The following PCED1B variants were observed in gnomAD, a reference collection of about 807,000 sequenced individuals.
The protein encoded by PCED1B is PC-esterase domain-containing protein 1B.
For missense variants in PCED1B, 573 were observed against 573.9 expected, an observed-to-expected ratio of 1.00 and a Z score of 0.02; for synonymous variants, 251 against 246.1, an observed-to-expected ratio of 1.02 and a Z score of -0.19.
chr12:47,193,407 G>C (rs1038508710), intron 2 of PCED1B, among the ~76,000 whole-genome samples: 2 of 151,978 alleles, frequency 1.3e-5, no homozygotes, highest in Non-Finnish European at 2.9e-5. Context: ...CTGAATTCCT[G>C]CCCCCTTCCC....
intron 1 of PCED1B, among the ~76,000 whole-genome samples, chr12:47,080,309 C>T (rs1046880997): frequency 2.0e-5 from 3 of 152,188 alleles, no homozygotes; most frequent in Non-Finnish European, 4.4e-5. Context: ...CCCTTGGAGA[C>T]CCACTTCGCG....
intron 2 of PCED1B, among the ~76,000 whole-genome samples, chr12:47,119,638 G>C (rs1274856943): frequency 6.6e-6 from 1 of 151,868 alleles, no homozygotes; most frequent in Non-Finnish European, 1.5e-5. Flanking sequence ...TTGCAATCTG[G>C]CAAGAGACTT....
chr12:47,190,808 G>C (rs189965692), intron 2 of PCED1B, among the ~76,000 whole-genome samples: 1 of 152,310 alleles, frequency 6.6e-6, no homozygotes, highest in East Asian at 1.9e-4. Flanking sequence ...GAGGGTGCGA[G>C]AGGCACCTCT....
chr12:47,174,046 G>A (rs193210449), intron 2 of PCED1B, among the ~76,000 whole-genome samples: 52 of 152,264 alleles, frequency 3.4e-4, no homozygotes, highest in African/African-American at 1.2e-3. Context: ...TTGGAAAGCC[G>A]AGGCAGGCCC....
chr12:47,111,347 T>A (rs1261439014), intron 2 of PCED1B, among the ~76,000 whole-genome samples: 1 of 152,208 alleles, frequency 6.6e-6, no homozygotes, highest in Non-Finnish European at 1.5e-5. Context: ...CACCATGGTT[T>A]TCACTGATCA....
intron 2 of PCED1B, among the ~76,000 whole-genome samples, chr12:47,114,666 C>A (rs899784945): frequency 2.0e-5 from 3 of 152,112 alleles, no homozygotes; most frequent in Non-Finnish European, 4.4e-5. Context: ...TGTTCCTAGC[C>A]CAGAAGCCTT....
At chr12:47,081,092 C>A (rs984601071) in intron 1 of PCED1B, among the ~76,000 whole-genome samples, 4 of 152,162 alleles carry the variant, frequency 2.6e-5, no homozygotes, top group African/African-American at 9.7e-5. Flanking sequence ...TTGTTTAATT[C>A]CAAGATAAGT....
chr12:47,128,358 G>A (rs1405378733), intron 2 of PCED1B, among the ~76,000 whole-genome samples: 4 of 152,064 alleles, frequency 2.6e-5, no homozygotes, highest in East Asian at 1.9e-4. Flanking sequence ...AATGGAGAAG[G>A]CACCTTCTTT....
At chr12:47,227,159 G>A (rs1270775107) in intron 3 of PCED1B, among the ~76,000 whole-genome samples, 2 of 151,810 alleles carry the variant, frequency 1.3e-5, no homozygotes, top group Non-Finnish European at 2.9e-5. Context: ...TGTTTGTTTT[G>A]TTTTGTTTTT....
chr12:47,082,325 G>C (rs1449994590), intron 1 of PCED1B, among the ~76,000 whole-genome samples: 2 of 152,108 alleles, frequency 1.3e-5, no homozygotes, highest in Non-Finnish European at 2.9e-5. Context: ...TAAGATAACG[G>C]TTTACCCCAA....
In PCED1B at chr12:47,236,293, G is replaced by A. The variant is rs775815786; in HGVS notation, c.1230G>A (p.Thr410=). 9 of 1,613,956 alleles carry A rather than the reference G, an allele frequency of 5.6e-6. No individual in the cohort carries two copies. The highest frequency in any genetic ancestry group is 1.7e-5 in the Admixed American group (1 of 59,986). Residue 410 remains threonine (T), a synonymous_variant, in exon 4 of 4, where the codon ACG becomes ACA. Transcript: ENST00000546455. The part of the protein sequence containing the change: ...FGRYRPRGPY[T]PWGQRPRPSK... ...GGTATCGTCCCCGTGGCCCCTATAC[G>A]CCCTGGGGACAGCGGCCTCGACCTT...
chr12:47,157,162 C>A (rs892543511), intron 2 of PCED1B, among the ~76,000 whole-genome samples: 1 of 152,054 alleles, frequency 6.6e-6, no homozygotes, highest in African/African-American at 2.4e-5. Context: ...GAATGGGTTT[C>A]TCTATATAAT....
At chr12:47,112,104 G>T (rs1321834053) in intron 2 of PCED1B, among the ~76,000 whole-genome samples, 1 of 152,140 alleles carries the variant, frequency 6.6e-6, no homozygotes, top group Non-Finnish European at 1.5e-5. Context: ...TGGTATGTGG[G>T]TTTAGCAGTA....
At chr12:47,119,278 T>G (rs1367891082) in intron 2 of PCED1B, among the ~76,000 whole-genome samples, 2 of 152,158 alleles carry the variant, frequency 1.3e-5, no homozygotes, top group Non-Finnish European at 2.9e-5. Flanking sequence ...GAGCTAAAAC[T>G]ACAAAATTCC....
At chr12:47,130,030 A>G (rs1215077964) in intron 2 of PCED1B, among the ~76,000 whole-genome samples, 6 of 152,188 alleles carry the variant, frequency 3.9e-5, no homozygotes, top group Non-Finnish European at 8.8e-5. Context: ...CATCTAGAGC[A>G]CTTTCATATT....
At chr12:47,145,170 C>T (rs955142179) in intron 2 of PCED1B, among the ~76,000 whole-genome samples, 1 of 152,202 alleles carries the variant, frequency 6.6e-6, no homozygotes, top group East Asian at 1.9e-4. Context: ...ATCAAACCAA[C>T]CACAGCATTC....
At chr12:47,215,553 G>A (rs966978112) in intron 2 of PCED1B, among the ~76,000 whole-genome samples, 3 of 151,848 alleles carry the variant, frequency 2.0e-5, no homozygotes, top group Admixed American at 6.6e-5. Flanking sequence ...AGCGCCAGAC[G>A]AACCATCTCC....
chr12:47,218,393 C>G (rs1592305277), intron 3 of PCED1B, among the ~76,000 whole-genome samples: 1 of 152,248 alleles, frequency 6.6e-6, no homozygotes, highest in Non-Finnish European at 1.5e-5. Flanking sequence ...CGCTCCAAGC[C>G]GTAGAGCTTG....
intron 2 of PCED1B, among the ~76,000 whole-genome samples, chr12:47,139,833 C>CT (rs1442311120): frequency 6.6e-6 from 1 of 151,764 alleles, no homozygotes; most frequent in Admixed American, 6.6e-5. Context: ...TTTTTCTGTG[C>CT]TTGGTGGAGA....
Sources: allele counts gnomAD v4.1 joint callset (sites outside exome capture counted in the v4.1 genomes callset), GRCh38; gene constraint gnomAD v4.1.1; transcripts MANE v1.5; gene names NCBI Gene and HGNC (gene_info 2026-07-23, HGNC 2026-07-21).